SLC35H1: variants seen among roughly 807,000 people sequenced by gnomAD.
SLC35H1 encodes ovarian cancer-overexpressed gene 1 protein.
At chr20:46,351,006 G>A in the SLC35H1 span, 2 of 1,315,574 alleles carry the variant, frequency 1.5e-6, no homozygotes, top group Non-Finnish European at 1.1e-6. Flanking sequence ...AGATCTTACT[G>A]AAATCCTGGG....
chr20:46,362,115 C>T, the SLC35H1 span, among the ~76,000 whole-genome samples: 4 of 152,152 alleles, frequency 2.6e-5, no homozygotes, highest in African/African-American at 9.7e-5. Flanking sequence ...TATGCCCAAA[C>T]ACAAAGCCAA....
the SLC35H1 span, chr20:46,350,288 C>G: frequency 3.6e-6 from 5 of 1,406,558 alleles, no homozygotes; most frequent in East Asian, 4.7e-5. Context: ...TGGTGACTCC[C>G]GTCCACAGCT....
At chr20:46,350,274 C>G in the SLC35H1 span, 18 of 1,296,568 alleles carry the variant, frequency 1.4e-5, no homozygotes, top group South Asian at 2.6e-4. Flanking sequence ...TTGGCCCCAC[C>G]ACCTGGTGAC....
the SLC35H1 span, among the ~76,000 whole-genome samples, chr20:46,353,428 A>G: frequency 6.6e-6 from 1 of 152,192 alleles, no homozygotes; most frequent in Non-Finnish European, 1.5e-5. Context: ...GTGGTGTATT[A>G]GCACAGGGTG....
the SLC35H1 span, chr20:46,355,391 C>G: frequency 1.2e-6 from 1 of 826,360 alleles, no homozygotes; most frequent in Non-Finnish European, 1.9e-6. This position sits in a 1 kb window ranked among gnomAD's most constrained non-coding sequence, Gnocchi z 4.8. Context: ...GGGTCCTGGA[C>G]AGTCCTTGCC....
At chr20:46,354,761 C>T in the SLC35H1 span, 1 of 874,516 alleles carries the variant, frequency 1.1e-6, no homozygotes, top group African/African-American at 1.7e-5. Flanking sequence ...CCATGCGCTT[C>T]CAGGGGAGGG....
At chr20:46,350,407 T>C in the SLC35H1 span, 2 of 1,612,120 alleles carry the variant, frequency 1.2e-6, no homozygotes, top group Non-Finnish European at 1.7e-6. Context: ...CTGCTGCCCC[T>C]GGGCCACAAA....
chr20:46,358,599 A>G, the SLC35H1 span: 1 of 1,595,534 alleles, frequency 6.3e-7, no homozygotes, highest in Non-Finnish European at 8.5e-7. Context: ...GAGTTAGACC[A>G]CAGCTTTCAC....
chr20:46,361,975 C>G, the SLC35H1 span, among the ~76,000 whole-genome samples: 1 of 152,248 alleles, frequency 6.6e-6, no homozygotes, highest in African/African-American at 2.4e-5. Context: ...CTCCACTGTT[C>G]AAATGCTGAC....
the SLC35H1 span, among the ~76,000 whole-genome samples, chr20:46,354,706 T>G: frequency 1.3e-5 from 2 of 152,066 alleles, no homozygotes; most frequent in Non-Finnish European, 2.9e-5. Flanking sequence ...TTCCCTGAAT[T>G]TTATATGTGC....
chr20:46,352,100 A>T, the SLC35H1 span: 1 of 1,614,206 alleles, frequency 6.2e-7, no homozygotes, highest in Non-Finnish European at 8.5e-7. Flanking sequence ...TCTGGAGACC[A>T]GGAGGAACTC....
At chr20:46,363,893 A>C in the SLC35H1 span, 1 of 152,616 alleles carries the variant, frequency 6.6e-6, no homozygotes, top group East Asian at 1.9e-4. Context: ...TGTCAAACAC[A>C]TCAAACCTGT....
the SLC35H1 span, chr20:46,350,433 A>G: frequency 6.2e-7 from 1 of 1,611,876 alleles, no homozygotes; most frequent in Non-Finnish European, 8.5e-7. Context: ...CCTCCTCCTC[A>G]TTGTCACCTT....
the SLC35H1 span, chr20:46,350,863 G>A: frequency 1.9e-6 from 3 of 1,613,920 alleles, no homozygotes; most frequent in African/African-American, 2.7e-5. Flanking sequence ...CCCAGCAGAT[G>A]AGCTGCCAAC....
the SLC35H1 span, chr20:46,352,037 G>A: frequency 6.8e-6 from 11 of 1,613,190 alleles, no homozygotes; most frequent in Middle Eastern, 1.7e-4. Flanking sequence ...CTGGCATCAC[G>A]CCCGAGTCTG....
chr20:46,357,250 C>T, the SLC35H1 span, among the ~76,000 whole-genome samples: 1 of 152,218 alleles, frequency 6.6e-6, no homozygotes, highest in Non-Finnish European at 1.5e-5. Flanking sequence ...GGGTTGGTCC[C>T]CTCCCTGGGC....
the SLC35H1 span, chr20:46,348,105 G>A: frequency 6.7e-6 from 1 of 148,238 alleles, no homozygotes; most frequent in Non-Finnish European, 1.5e-5. Flanking sequence ...GACAGCATGG[G>A]TGGTTCTAGG....
the SLC35H1 span, among the ~76,000 whole-genome samples, chr20:46,351,369 C>A: frequency 3.0e-4 from 45 of 152,382 alleles, no homozygotes; most frequent in African/African-American, 1.0e-3. Flanking sequence ...CCTCAGCATG[C>A]GGCTGGCCAC....
chr20:46,363,863 C>A, the SLC35H1 span, among the ~76,000 whole-genome samples: 218 of 152,386 alleles, frequency 1.4e-3, 1 homozygote, highest in Admixed American at 7.5e-3. Context: ...CAGCACCCGC[C>A]ACAGCGGCCC....
Sources: allele counts gnomAD v4.1 joint callset (sites outside exome capture counted in the v4.1 genomes callset), GRCh38; gene constraint gnomAD v4.1.1; non-coding constraint Gnocchi (gnomAD v3.1); transcripts MANE v1.5; gene names NCBI Gene and HGNC (gene_info 2026-07-23, HGNC 2026-07-21).